DSCAML1: variants seen among roughly 807,000 people sequenced by gnomAD.
DSCAML1 encodes the protein cell adhesion molecule DSCAML1.
In DSCAML1, 38 loss-of-function variants were observed where a neutral mutation model predicts 200.5. That is an observed-to-expected ratio of 0.19 (90% CI 0.15 to 0.25). The LOEUF is 0.25. Ranked by LOEUF, DSCAML1 falls within the 10% of genes least tolerant of loss-of-function variation. DSCAML1 has a pLI of 1.00. For synonymous variants in DSCAML1, 1,215 were observed against 1,165.0 expected (o/e 1.04, Z -0.87); for missense variants, 2,223 against 2,858.8 (o/e 0.78, Z 5.07).
At chr11:117,705,191 T>G (rs1158457709) in intron 3 of DSCAML1, among the ~76,000 whole-genome samples, 1 of 152,180 alleles carries the variant, frequency 6.6e-6, no homozygotes, top group Non-Finnish European at 1.5e-5. Flanking sequence ...TTGCTTCGGC[T>G]GTTATTAAAA....
At chr11:117,459,099 G>A (rs1329545254) in intron 18 of DSCAML1, among the ~76,000 whole-genome samples, 190 bp from the exon 19 acceptor site, 1 of 152,328 alleles carries the variant, frequency 6.6e-6, no homozygotes, top group African/African-American at 2.4e-5. Flanking sequence ...CCCAGGCCAC[G>A]TCTCTCTAAG....
At chr11:117,796,547 G>T (rs1048135032) in intron 1 of DSCAML1, among the ~76,000 whole-genome samples, 3 of 152,360 alleles carry the variant, frequency 2.0e-5, no homozygotes, top group Admixed American at 6.5e-5. Flanking sequence ...CAACATTCGC[G>T]CCAGGGCTGG....
At chr11:117,476,433 C>T (rs1266362350) in intron 14 of DSCAML1, among the ~76,000 whole-genome samples, 1 of 152,182 alleles carries the variant, frequency 6.6e-6, no homozygotes, top group African/African-American at 2.4e-5. Flanking sequence ...CCTCCTGCGT[C>T]ACAACGACAG....
intron 19 of DSCAML1, 141 bp downstream of exon 19, chr11:117,458,613 G>T (rs2048419392): frequency 9.0e-7 from 1 of 1,117,298 alleles, no homozygotes; most frequent in Non-Finnish European, 1.3e-6. Context: ...TTTCCCTCAA[G>T]AGTCCTCAAG....
At chr11:117,473,458 C>T (rs1404964479) in intron 14 of DSCAML1, among the ~76,000 whole-genome samples, 3 of 152,150 alleles carry the variant, frequency 2.0e-5, no homozygotes, top group African/African-American at 7.2e-5. Context: ...GATCATGCCA[C>T]TGCACTCCAG....
In DSCAML1 at chr11:117,469,970, C is replaced by T. The variant is rs2048652850; in HGVS notation, c.2964G>A (p.Gly988=). The stretch of plus-strand genomic sequence containing the variant: ...GCTGCAAGGTAACATCCATGGGGGG[C>T]CCATCGGGAGCTGAGCAGGGTAGCG... ...TISTEEAAPD[G]PPMDVTLQPV... Residue 988 remains glycine (G), a synonymous_variant, in exon 16 of 33, where the codon GGG becomes GGA. Transcript: ENST00000651296. This position sits in a 1 kb window ranked among gnomAD's most constrained non-coding sequence, Gnocchi z 4.1. 1.2e-6 allele frequency: 2 copies of T among 1,604,058 alleles called. No homozygotes were observed. Among genetic ancestry groups the T allele is most frequent in the Non-Finnish European group, 1.7e-6 (2 of 1,173,652 alleles).
chr11:117,598,631 A>G (rs1406967995), intron 3 of DSCAML1, among the ~76,000 whole-genome samples: 1 of 152,092 alleles, frequency 6.6e-6, no homozygotes, highest in Non-Finnish European at 1.5e-5. Context: ...TATTCCCCAA[A>G]CATAAAGTCC....
At chr11:117,813,914 C>T (rs1354082774) in intron 1 of DSCAML1, among the ~76,000 whole-genome samples, 1 of 152,212 alleles carries the variant, frequency 6.6e-6, no homozygotes, top group Non-Finnish European at 1.5e-5. Context: ...CCTCTGAGCC[C>T]AAGCCAAGCC....
At chr11:117,436,476 G>A (rs980746416) in intron 26 of DSCAML1, among the ~76,000 whole-genome samples, 3 of 152,024 alleles carry the variant, frequency 2.0e-5, no homozygotes, top group Non-Finnish European at 4.4e-5. Context: ...TGTGACAATG[G>A]GCTTCTATGA....
intron 22 of DSCAML1, 110 bp downstream of exon 22, chr11:117,439,709 T>C: frequency 9.2e-7 from 1 of 1,087,136 alleles, no homozygotes; most frequent in Non-Finnish European, 1.4e-6. Context: ...TCTGCAGGCC[T>C]GGAGGCAACC....
At chr11:117,556,678 A>G (rs1207062959) in intron 3 of DSCAML1, among the ~76,000 whole-genome samples, 1 of 152,156 alleles carries the variant, frequency 6.6e-6, no homozygotes, top group Non-Finnish European at 1.5e-5. Flanking sequence ...TGGTACAGCT[A>G]TGCCCCAGTA....
chr11:117,532,582 G>C, intron 3 of DSCAML1, 60 bp from the exon 4 acceptor site: 1 of 1,526,418 alleles, frequency 6.6e-7, no homozygotes, highest in Non-Finnish European at 8.9e-7. Context: ...CTCAGAGGCA[G>C]GGTAGCGTCT....
At chr11:117,729,580 A>C (rs1591447671) in intron 3 of DSCAML1, among the ~76,000 whole-genome samples, 1 of 152,360 alleles carries the variant, frequency 6.6e-6, no homozygotes, top group Non-Finnish European at 1.5e-5. Context: ...TCAATAATAA[A>C]AGGACAACTC....
chr11:117,617,295 G>A (rs145749713), intron 3 of DSCAML1, among the ~76,000 whole-genome samples: 2,503 of 152,308 alleles, frequency 0.016, 33 homozygotes, highest in East Asian at 0.06. Flanking sequence ...AAGCTGGGCC[G>A]GGCTGGGAAG....
intron 32 of DSCAML1, 46 bp downstream of exon 32, chr11:117,430,676 C>T (rs1592558889): frequency 6.4e-7 from 1 of 1,560,836 alleles, no homozygotes; most frequent in Non-Finnish European, 8.7e-7. Flanking sequence ...GGGGCTGGGG[C>T]CAGGGGGCGG....
At chr11:117,787,888 A>C (rs993139607) in intron 1 of DSCAML1, among the ~76,000 whole-genome samples, 2 of 152,102 alleles carry the variant, frequency 1.3e-5, no homozygotes, top group African/African-American at 4.8e-5. Context: ...AAAGGTTTTC[A>C]TGGGAGATGT....
At chr11:117,779,195 C>T (rs1410525205) in intron 2 of DSCAML1, among the ~76,000 whole-genome samples, 1 of 152,148 alleles carries the variant, frequency 6.6e-6, no homozygotes, top group Non-Finnish European at 1.5e-5. Flanking sequence ...TTGCAGTGGG[C>T]TGGGTCTTTA....
At position 117,438,062 on chromosome 11, in the gene DSCAML1, A is replaced by T; in HGVS notation, c.4265T>A (p.Val1422Glu). ...ATCCTTCCACTCCTCGCTGTTGTCC[A>T]CCGAGTACTGTAGCACGAAGCCTGC... ...SIRGFVLQYS[V>E]DNSEEWKDVF... is the part of the protein sequence containing the mutation. The change falls in exon 25 of 33, where the codon GTG (valine) becomes GAG (glutamate). Residue 1422 changes from valine to glutamate, a missense_variant. This residue lies in a region of DSCAML1 where 614 missense variants were observed against 739.1 expected (regional missense o/e 0.83). Transcript: ENST00000651296. 1 of 1,613,682 alleles carries T rather than the reference A, an allele frequency of 6.2e-7. No individual in the cohort carries two copies. The highest frequency in any genetic ancestry group is 8.5e-7 in the Non-Finnish European group (1 of 1,179,804).
intron 15 of DSCAML1, among the ~76,000 whole-genome samples, chr11:117,471,530 G>C (rs2137180299): frequency 6.6e-6 from 1 of 152,274 alleles, no homozygotes; most frequent in Non-Finnish European, 1.5e-5. Context: ...GATAAACCTT[G>C]TTTAAACTTT....
Sources: allele counts gnomAD v4.1 joint callset (sites outside exome capture counted in the v4.1 genomes callset), GRCh38; gene constraint gnomAD v4.1.1; regional missense constraint gnomAD v4.1.1; non-coding constraint Gnocchi (gnomAD v3.1); transcripts MANE v1.5; gene names NCBI Gene and HGNC (gene_info 2026-07-23, HGNC 2026-07-21).